Variants in LRRC8B observed in about 807,000 individuals in gnomAD.
The protein encoded by LRRC8B is leucine rich repeat containing 8 VRAC subunit B, also known as volume-regulated anion channel subunit LRRC8B.
In LRRC8B, 23 loss-of-function variants were observed where a neutral mutation model predicts 58.8. That is an observed-to-expected ratio of 0.39 (90% confidence interval 0.28 to 0.55). The LOEUF (loss-of-function observed/expected upper bound fraction) is 0.55, where lower values mean the gene tolerates loss of function less well. LRRC8B is among the 20% of genes least tolerant of loss of function. The pLI is 0.62. For synonymous variants in LRRC8B, 359 were observed against 374.1 expected, an observed-to-expected ratio of 0.96 and a Z score of 0.47; for missense variants, 694 against 936.0, an observed-to-expected ratio of 0.74 and a Z score of 3.37.
intron 1 of LRRC8B, among the ~76,000 whole-genome samples, chr1:89,558,550 G>C (rs1484835157): frequency 6.6e-6 from 1 of 152,190 alleles, no homozygotes; most frequent in Admixed American, 6.5e-5. Context: ...GACAGTGGTA[G>C]CAAGATTGTA....
At chr1:89,529,084 C>CT (rs2100772970) in intron 1 of LRRC8B, among the ~76,000 whole-genome samples, 1 of 152,232 alleles carries the variant, frequency 6.6e-6, no homozygotes, top group South Asian at 2.1e-4. Context: ...TCCTAAATCT[C>CT]TTTTTTCTTG....
chr1:89,525,445 C>T (rs1369895339), intron 1 of LRRC8B, among the ~76,000 whole-genome samples: 2 of 152,212 alleles, frequency 1.3e-5, no homozygotes, highest in African/African-American at 4.8e-5. Context: ...CCTGAGGGTG[C>T]CCCCATTTGG....
chr1:89,549,259 A>C (rs1389368283), intron 1 of LRRC8B, among the ~76,000 whole-genome samples: 1 of 152,240 alleles, frequency 6.6e-6, no homozygotes, highest in Non-Finnish European at 1.5e-5. Flanking sequence ...TTCCAACTCT[A>C]TCAAAGCTAG....
chr1:89,567,932 C>CA (rs139318161), intron 1 of LRRC8B, among the ~76,000 whole-genome samples: 1,532 of 151,810 alleles, frequency 0.01, 30 homozygotes, highest in African/African-American at 0.036. Flanking sequence ...ATATAAGTGG[C>CA]AAAAAAAGGT....
chr1:89,566,912 AC>A (rs1271253872), intron 1 of LRRC8B, among the ~76,000 whole-genome samples: 2 of 152,168 alleles, frequency 1.3e-5, no homozygotes, highest in Non-Finnish European at 2.9e-5. Context: ...TCTCAGTGTT[AC>A]ACTTATCTCC....
At chr1:89,542,142 T>G (rs1651047905) in intron 1 of LRRC8B, among the ~76,000 whole-genome samples, 1 of 152,222 alleles carries the variant, frequency 6.6e-6, no homozygotes, top group Admixed American at 6.5e-5. Context: ...TGAACATGTC[T>G]TGCTTTCATG....
At position 89,595,291 on chromosome 1, in the gene LRRC8B, T is replaced by G. The variant is rs1213481379; in HGVS notation, c.*2248T>G. ...GTTGTTATTTTCATTTTTTAAAGTG[T>G]GAGTTGATGTTTATTTTAGTGTTTC... On this transcript the variant is annotated 3_prime_UTR_variant, in exon 6 of 6. Transcript: ENST00000330947. 1 of 152,154 alleles carries G rather than the reference T, an allele frequency of 6.6e-6. No individual in the cohort carries two copies. The highest frequency in any genetic ancestry group is 1.9e-4 in the East Asian group (1 of 5,204). The allele number at this position is 152,154 out of a possible 1,614,324, so 9.4% of individuals were successfully genotyped here.
intron 1 of LRRC8B, chr1:89,558,830 T>G (rs1652384988): frequency 6.6e-6 from 1 of 152,142 alleles, no homozygotes; most frequent in African/African-American, 2.4e-5. Flanking sequence ...CTTCAAGCCC[T>G]TTTATAAGGC....
At chr1:89,530,741 T>C in intron 1 of LRRC8B, among the ~76,000 whole-genome samples, 1 of 152,182 alleles carries the variant, frequency 6.6e-6, no homozygotes, top group East Asian at 1.9e-4. Flanking sequence ...ATGCATGGGA[T>C]GGCCTTCTCA....
intron 1 of LRRC8B, among the ~76,000 whole-genome samples, chr1:89,532,208 C>T (rs1006066250): frequency 1.3e-5 from 2 of 152,164 alleles, no homozygotes; most frequent in Non-Finnish European, 2.9e-5. Flanking sequence ...CCGTCATAGT[C>T]TTTCAAACCT....
At chr1:89,562,809 A>G (rs913556073) in intron 1 of LRRC8B, among the ~76,000 whole-genome samples, 3 of 152,116 alleles carry the variant, frequency 2.0e-5, no homozygotes, top group Non-Finnish European at 4.4e-5. Context: ...CATTTTCTAG[A>G]CAAATTTGGG....
chr1:89,577,062 C>T (rs77522399), intron 3 of LRRC8B, among the ~76,000 whole-genome samples: 4,129 of 152,198 alleles, frequency 0.027, 96 homozygotes, highest in Non-Finnish European at 0.036. Flanking sequence ...TAGCACTAAA[C>T]ATTTTGAAGG....
chr1:89,571,391 C>T (rs1469822556), intron 3 of LRRC8B, among the ~76,000 whole-genome samples: 1 of 152,134 alleles, frequency 6.6e-6, no homozygotes, highest in Non-Finnish European at 1.5e-5. Context: ...TCTCCAATTT[C>T]TTTGAGCAAT....
intron 1 of LRRC8B, among the ~76,000 whole-genome samples, chr1:89,551,998 T>A (rs947811113): frequency 6.6e-6 from 1 of 152,194 alleles, no homozygotes; most frequent in Admixed American, 6.5e-5. Flanking sequence ...TATTCATAGT[T>A]TTTTTTCCTT....
intron 1 of LRRC8B, among the ~76,000 whole-genome samples, chr1:89,528,243 T>G (rs891608914): frequency 4.6e-5 from 7 of 152,190 alleles, no homozygotes; most frequent in Non-Finnish European, 1.0e-4. Context: ...CTGCACAGCT[T>G]CTATTTCTCT....
intron 5 of LRRC8B, among the ~76,000 whole-genome samples, chr1:89,587,120 A>G (rs1293407483): frequency 6.6e-6 from 1 of 152,226 alleles, no homozygotes; most frequent in Non-Finnish European, 1.5e-5. Context: ...GCATTCAAAG[A>G]TTGAATGAGC....
intron 5 of LRRC8B, among the ~76,000 whole-genome samples, chr1:89,590,102 G>A (rs1654885186): frequency 6.6e-6 from 1 of 151,922 alleles, no homozygotes; most frequent in South Asian, 2.1e-4. Context: ...TAGTCTGTAA[G>A]CTTTCCCATT....
In LRRC8B at chr1:89,593,673, A is replaced by G. The variant is rs1182315004; in HGVS notation, c.*630A>G. 6.6e-6 allele frequency: 1 copy of G among 151,934 alleles called. No individual in the cohort carries two copies. Among genetic ancestry groups the G allele is most frequent in the Non-Finnish European group, 1.5e-5 (1 of 68,002 alleles). The allele number at this position is 151,934 out of a possible 1,614,324, so 9.4% of individuals were successfully genotyped here. Reference sequence around the variant, plus strand: ...TGTTTACCTTCAAGATTGTATAGGTATTCTCTCCTCTTCTTCCCCCAGTCC... The same window carrying G: ...TGTTTACCTTCAAGATTGTATAGGTGTTCTCTCCTCTTCTTCCCCCAGTCC... On this transcript the variant is annotated 3_prime_UTR_variant, in exon 6 of 6. Transcript: ENST00000330947.
chr1:89,560,054 A>G (rs1042199171), intron 1 of LRRC8B, among the ~76,000 whole-genome samples: 1 of 152,224 alleles, frequency 6.6e-6, no homozygotes, highest in Admixed American at 6.5e-5. Flanking sequence ...TAGAGACTCT[A>G]TCAATCATTT....
Sources: allele counts gnomAD v4.1 joint callset (sites outside exome capture counted in the v4.1 genomes callset), GRCh38; gene constraint gnomAD v4.1.1; transcripts MANE v1.5; gene names NCBI Gene and HGNC (gene_info 2026-07-23, HGNC 2026-07-21).